Variants in PKIB observed in about 807,000 individuals in gnomAD.
PKIB encodes PKI-beta.
PKIB carries 2 observed loss-of-function variants against 4.5 expected under a neutral mutation model. The ratio of observed to expected loss-of-function variants is 0.44; its 90% CI spans 0.18 to 1.39. The LOEUF (loss-of-function observed/expected upper bound fraction) is 1.39. PKIB is among the 40% of genes most tolerant of loss of function. The pLI, the probability that PKIB is intolerant of heterozygous loss-of-function variation, is 0.27. For synonymous variants in PKIB, 38 were observed against 36.0 expected, an observed-to-expected ratio of 1.06 and a Z score of -0.20; for missense variants, 94 against 92.6, an observed-to-expected ratio of 1.02 and a Z score of -0.06.
chr6:122,542,814 A>T (rs1488446655), intron 2 of PKIB, among the ~76,000 whole-genome samples: 3 of 152,124 alleles, frequency 2.0e-5, no homozygotes, highest in Admixed American at 1.3e-4. Context: ...CTGCCCCCAG[A>T]GGTGGAGCCT....
Position 122,615,985 on chromosome 6 carries a change from A to G in PKIB, c.-161+5450A>G, listed in dbSNP as rs148047955. On this transcript the variant is annotated intron_variant, in intron 1 of 4. Coordinates refer to ENST00000368452, the MANE Select transcript of PKIB (RefSeq NM_181795.3). ...GTAATTTGTTACAGCAGCTCTATCA[A>G]ACTAATACAGTGGGTGTGAGTAAAA... is the stretch of plus-strand genomic sequence containing the variant. Among the ~76,000 whole-genome samples the G allele has an allele frequency of 1.8e-3, 268 of 152,304 alleles. 1 individual carries two copies. The highest frequency in any genetic ancestry group is 6.3e-3 in the African/African-American group (263 of 41,552).
intron 3 of PKIB, among the ~76,000 whole-genome samples, chr6:122,688,294 G>T (rs370714611): frequency 1.9e-4 from 29 of 152,188 alleles, no homozygotes; most frequent in East Asian, 1.5e-3. Context: ...CTCATCCCAG[G>T]GATAAATCCC....
intron 3 of PKIB, among the ~76,000 whole-genome samples, chr6:122,683,155 C>G (rs988782837): frequency 1.3e-5 from 2 of 152,110 alleles, no homozygotes; most frequent in African/African-American, 4.8e-5. Flanking sequence ...GAATTCAGAG[C>G]CTGTATTGGG....
At chr6:122,499,314 T>C (rs1776157854) in intron 2 of PKIB, among the ~76,000 whole-genome samples, 2 of 152,146 alleles carry the variant, frequency 1.3e-5, no homozygotes, top group African/African-American at 4.8e-5. Flanking sequence ...AAATTCCTAA[T>C]AAAATACTAG....
At chr6:122,642,060 A>T (rs1462978093) in intron 2 of PKIB, among the ~76,000 whole-genome samples, 1 of 152,200 alleles carries the variant, frequency 6.6e-6, no homozygotes, top group African/African-American at 2.4e-5. Flanking sequence ...TGATTATATA[A>T]CAAGAGACCT....
chr6:122,629,565 C>G (rs1321544786), intron 1 of PKIB, among the ~76,000 whole-genome samples: 1 of 152,096 alleles, frequency 6.6e-6, no homozygotes, highest in Non-Finnish European at 1.5e-5. Context: ...TGACTTCTTT[C>G]CCAAAAATAC....
At chr6:122,695,871 C>G (rs886715408) in intron 3 of PKIB, among the ~76,000 whole-genome samples, 5 of 152,218 alleles carry the variant, frequency 3.3e-5, no homozygotes, top group African/African-American at 1.2e-4. Context: ...TTCTCTCCCT[C>G]CCTCTCTGAC....
intron 3 of PKIB, among the ~76,000 whole-genome samples, chr6:122,714,501 T>G (rs1004249644): frequency 6.6e-6 from 1 of 152,190 alleles, no homozygotes; most frequent in African/African-American, 2.4e-5. Context: ...AAAGCCTCTA[T>G]GTGAAATAAT....
intron 3 of PKIB, among the ~76,000 whole-genome samples, chr6:122,587,457 T>C (rs1265348210): frequency 6.6e-6 from 1 of 152,232 alleles, no homozygotes; most frequent in Non-Finnish European, 1.5e-5. Context: ...TTCAAGTCTT[T>C]GCTATTGTGA....
chr6:122,685,910 T>C, intron 3 of PKIB, among the ~76,000 whole-genome samples: 1 of 152,216 alleles, frequency 6.6e-6, no homozygotes, highest in East Asian at 1.9e-4. Flanking sequence ...CATGCAAAGT[T>C]TGTCTTTCTG....
At chr6:122,589,676 G>C (rs896870627) in intron 3 of PKIB, among the ~76,000 whole-genome samples, 8 of 152,158 alleles carry the variant, frequency 5.3e-5, no homozygotes, top group African/African-American at 1.9e-4. Context: ...AGAATATGCA[G>C]ATGTGGGAAA....
intron 3 of PKIB, chr6:122,701,470 C>G (rs1227835924): frequency 1.3e-6 from 2 of 1,592,680 alleles, no homozygotes; most frequent in Admixed American, 1.7e-5. Context: ...CTGCCAAACA[C>G]AGGCTGAACC....
chr6:122,718,028 G>A (rs1294092773), intron 4 of PKIB, 65 bp downstream of exon 4: 88 of 1,501,404 alleles, frequency 5.9e-5, no homozygotes, highest in Non-Finnish European at 7.8e-5. Context: ...CTTTTCTCTG[G>A]ACAGTCTTTC....
chr6:122,640,749 C>T (rs1312894851), intron 2 of PKIB, among the ~76,000 whole-genome samples: 3 of 152,156 alleles, frequency 2.0e-5, no homozygotes, highest in Admixed American at 2.0e-4. Flanking sequence ...CCGGTAAGAA[C>T]GTTAACTCAA....
intron 3 of PKIB, among the ~76,000 whole-genome samples, chr6:122,675,454 T>C (rs1369102495): frequency 6.6e-6 from 1 of 152,200 alleles, no homozygotes; most frequent in Non-Finnish European, 1.5e-5. Context: ...TACATGTGTG[T>C]CTACATATTT....
rs902863231 is a variant in PKIB, at chr6:122,496,782, G to A, written c.-248+18843G>A. On this transcript the variant is annotated intron_variant, in intron 2 of 6. Coordinates refer to the PKIB transcript ENST00000392491. The stretch of plus-strand genomic sequence containing the variant: ...CATTCCTAAAAGATAAGGATACAAA[G>A]TAAACCTGAAAAATATATTTAAGGG... 2.0e-5 allele frequency among the ~76,000 whole-genome samples: 3 copies of A among 152,072 alleles called. No individual in the cohort carries two copies. The East Asian group carries it at 5.8e-4, about 29-fold the overall frequency.
At chr6:122,618,519 T>C (rs756366664) in intron 1 of PKIB, among the ~76,000 whole-genome samples, 1 of 152,010 alleles carries the variant, frequency 6.6e-6, no homozygotes, top group African/African-American at 2.4e-5. Flanking sequence ...TTCAGAATAG[T>C]TTTAAGAAAA....
At chr6:122,581,749 T>A (rs1773710761) in intron 2 of PKIB, 1 of 152,106 alleles carries the variant, frequency 6.6e-6, no homozygotes, top group Non-Finnish European at 1.5e-5. Flanking sequence ...GATGTCTTAA[T>A]CTCCTTTGTG....
intron 3 of PKIB, among the ~76,000 whole-genome samples, chr6:122,707,752 T>C (rs1779119867): frequency 6.6e-6 from 1 of 152,090 alleles, no homozygotes; most frequent in South Asian, 2.1e-4. Flanking sequence ...CAAATAAATA[T>C]CATCTAGCTT....
Sources: allele counts gnomAD v4.1 joint callset (sites outside exome capture counted in the v4.1 genomes callset), GRCh38; gene constraint gnomAD v4.1.1; transcripts MANE v1.5; gene names NCBI Gene and HGNC (gene_info 2026-07-23, HGNC 2026-07-21).